The following MYO1H variants were observed in gnomAD, a reference collection of about 807,000 sequenced individuals.
The protein encoded by MYO1H is myosin IH, also known as unconventional myosin-Ih.
In MYO1H, 118 loss-of-function variants were observed where a neutral mutation model predicts 149.3. The ratio of observed to expected loss-of-function variants is 0.79; its 90% confidence interval spans 0.68 to 0.92. The LOEUF (loss-of-function observed/expected upper bound fraction) is 0.92. Among genes scored for constraint, MYO1H ranks in the 40% least tolerant of loss-of-function variants. The pLI is 0.00. For synonymous variants in MYO1H, 447 were observed against 465.2 expected, an observed-to-expected ratio of 0.96 and a Z score of 0.50; for missense variants, 1,212 against 1,280.7, an observed-to-expected ratio of 0.95 and a Z score of 0.82.
chr12:109,403,788 A>G (rs1442492942), intron 6 of MYO1H, among the ~76,000 whole-genome samples, 194 bp from the exon 7 acceptor site: 1 of 152,238 alleles, frequency 6.6e-6, no homozygotes, highest in East Asian at 1.9e-4. Flanking sequence ...ATTTTTAAAC[A>G]AAATTCCAAA....
the MYO1H span, among the ~76,000 whole-genome samples, chr12:109,333,320 C>CA: frequency 1.8e-4 from 26 of 147,330 alleles, no homozygotes; most frequent in East Asian, 1.6e-3. Flanking sequence ...AACTCTGTCT[C>CA]AAAAAAAAAA....
At chr12:109,443,574 A>G (rs1443555478) in exon 28 of MYO1H, 3 of 1,613,740 alleles carry the variant, frequency 1.9e-6, no homozygotes, top group African/African-American at 1.3e-5. Flanking sequence ...GCGGCAACTC[A>G]TTCTTACTCA....
At chr12:109,372,048 T>C (rs1167441735) in intron 1 of MYO1H, among the ~76,000 whole-genome samples, 2 of 152,144 alleles carry the variant, frequency 1.3e-5, no homozygotes, top group Non-Finnish European at 2.9e-5. Context: ...TTAAGAAAAC[T>C]AATGATTTAT....
chr12:109,395,745 A>AAAG (rs1555251004), intron 3 of MYO1H, among the ~76,000 whole-genome samples: 3 of 151,580 alleles, frequency 2.0e-5, no homozygotes, highest in African/African-American at 7.2e-5. Flanking sequence ...AAAAAAAAAA[A>AAAG]AAAATTCTCA....
chr12:109,361,529 G>A (rs1422812796), intron 1 of MYO1H, among the ~76,000 whole-genome samples: 1 of 152,210 alleles, frequency 6.6e-6, no homozygotes, highest in African/African-American at 2.4e-5. Context: ...TAGCAGGCCA[G>A]GTGCAGTGGC....
rs1294285174 is a variant in MYO1H, at chr12:109,417,825, G to T, written c.1597+2205G>T. Among the ~76,000 whole-genome samples the T allele has an allele frequency of 1.3e-4, 19 of 149,852 alleles. No homozygotes were observed. The East Asian group carries it at 1.4e-3, about 11-fold the overall frequency. ...GGGTTTTTTTGTTTTGTTTTGTTTT[G>T]TTTTTTTTGAGACGGAGTCTCGCTC... On this transcript the variant is annotated intron_variant, in intron 15 of 31. Coordinates refer to ENST00000310903, the Ensembl canonical transcript of MYO1H.
chr12:109,401,014 A>G, intron 5 of MYO1H, 79 bp from the exon 6 acceptor site: 1 of 1,261,624 alleles, frequency 7.9e-7, no homozygotes, highest in Admixed American at 2.1e-5. Context: ...TCAAACTTAG[A>G]ACTTCGGGCC....
chr12:109,405,185 C>T (rs2137055120), intron 7 of MYO1H, among the ~76,000 whole-genome samples: 1 of 151,592 alleles, frequency 6.6e-6, no homozygotes, highest in Middle Eastern at 3.4e-3. Context: ...TGCACTCCAG[C>T]CTGGGTGACA....
chr12:109,393,352 G>A lies in MYO1H; in HGVS notation c.196G>A (p.Val66Met), dbSNP rs928683025. 1.9e-6 allele frequency: 3 copies of A among 1,580,826 alleles called. No homozygotes were observed. In the South Asian group the frequency reaches 3.5e-5, roughly 18 times the overall value. ...CTAGACATATATTGGCACCCTCCTT[G>A]TGTCTGTGAATCCATACCAGGAGCT... Residue 66 changes from valine to methionine, a missense_variant, in exon 3 of 32, where the codon GTG becomes ATG. Val to Met is a conservative substitution (Grantham distance 21). Transcript: ENST00000310903.
Position 109,397,823 on chromosome 12 carries a change from G to A in MYO1H, c.570+11G>A. 6.3e-7 allele frequency: 1 copy of A among 1,599,628 alleles called. No individual in the cohort carries two copies. The highest frequency in any genetic ancestry group is 2.3e-5 in the East Asian group (1 of 44,200). On this transcript the variant is annotated intron_variant, in intron 5 of 31. Transcript: ENST00000310903. ...CAATTTGATTTTCAGGTACACTGAA[G>A]CTCCTATTACTGGTTCATGGGGACC...
Position 109,438,102 on chromosome 12 carries a change from A to G in MYO1H, c.2210-434A>G, listed in dbSNP as rs1014072837. On this transcript the variant is annotated intron_variant, in intron 22 of 31. Transcript: ENST00000310903. ...GGCTCTGTCTAAAAAAAAAAAAAAA[A>G]AAAAATTGGGAAATAAGCCAGAACC... Among the ~76,000 whole-genome samples the G allele has an allele frequency of 4.0e-5, 6 of 151,540 alleles. 1 individual carries two copies. The highest frequency in any genetic ancestry group is 5.9e-5 in the Non-Finnish European group (4 of 67,874).
At chr12:109,426,044 A>G in exon 18 of MYO1H, 3 of 1,612,350 alleles carry the variant, frequency 1.9e-6, no homozygotes, top group Non-Finnish European at 2.5e-6. Context: ...ACGACAGGAA[A>G]GAACCCAGTG....
chr12:109,431,058 A>C lies in MYO1H; in HGVS notation c.1950-1839A>C, dbSNP rs542165259. On this transcript the variant is annotated intron_variant, in intron 19 of 31. Transcript: ENST00000310903. ...AGACAGAGCGAGACTCCATCTCAAA[A>C]AAAAAAAAAAAATCTGATTTTAAAA... Among the ~76,000 whole-genome samples the C allele has an allele frequency of 3.7e-3, 559 of 150,494 alleles. 6 individuals are homozygous for C. Among genetic ancestry groups the C allele is most frequent in the African/African-American group, 0.013 (533 of 40,904 alleles).
chr12:109,410,802 A>C, intron 13 of MYO1H, 34 bp downstream of exon 13: 1 of 1,359,144 alleles, frequency 7.4e-7, no homozygotes. Flanking sequence ...AGAGCTATTC[A>C]CCCGGCACTT....
chr12:109,340,763 C>T, the MYO1H span, among the ~76,000 whole-genome samples: 7 of 152,262 alleles, frequency 4.6e-5, no homozygotes, highest in Middle Eastern at 3.4e-3. Context: ...TTTTCAACTC[C>T]GGCAAATCTG....
At chr12:109,382,627 G>A (rs1241356226) in intron 1 of MYO1H, among the ~76,000 whole-genome samples, 3 of 151,936 alleles carry the variant, frequency 2.0e-5, no homozygotes, top group Non-Finnish European at 4.4e-5. Context: ...TATAGTTTTA[G>A]AGCTCCTATG....
At chr12:109,356,878 G>A (rs191522084) in intron 1 of MYO1H, among the ~76,000 whole-genome samples, 188 of 152,138 alleles carry the variant, frequency 1.2e-3, no homozygotes, top group Non-Finnish European at 1.6e-3. Flanking sequence ...GTCAGTGTTG[G>A]GTAAATCAAA....
the MYO1H span, among the ~76,000 whole-genome samples, chr12:109,339,180 C>G: frequency 6.6e-6 from 1 of 152,080 alleles, no homozygotes; most frequent in Non-Finnish European, 1.5e-5. Flanking sequence ...GCCTGGCCAA[C>G]ATGGTGAAAC....
intron 5 of MYO1H, among the ~76,000 whole-genome samples, chr12:109,398,191 C>T (rs1192571719): frequency 6.6e-6 from 1 of 152,132 alleles, no homozygotes; most frequent in African/African-American, 2.4e-5. Context: ...CCATTCCGCT[C>T]CCAGAGATAT....
Sources: allele counts gnomAD v4.1 joint callset (sites outside exome capture counted in the v4.1 genomes callset), GRCh38; gene constraint gnomAD v4.1.1; transcripts MANE v1.5; gene names NCBI Gene and HGNC (gene_info 2026-07-23, HGNC 2026-07-21).